Variants in SASH1 observed in about 807,000 individuals in gnomAD.
The protein encoded by SASH1 is SAM and SH3 domain containing 1.
In SASH1, 44 loss-of-function variants were observed where a neutral mutation model predicts 125.2. The ratio of observed to expected loss-of-function variants is 0.35; its 90% CI spans 0.28 to 0.45. The LOEUF (loss-of-function observed/expected upper bound fraction) is 0.45, where lower values mean the gene tolerates loss of function less well. SASH1 is among the 20% of genes least tolerant of loss of function. The pLI is 1.00. For missense variants in SASH1, 1,426 were observed against 1,614.5 expected (o/e 0.88, Z 2.00); for synonymous variants, 639 against 649.1 (o/e 0.98, Z 0.24).
At chr6:148,299,100 A>T (rs1409576338) in intron 1 of SASH1, among the ~76,000 whole-genome samples, 1 of 152,214 alleles carries the variant, frequency 6.6e-6, no homozygotes, top group East Asian at 1.9e-4. Context: ...GAGGGAATTC[A>T]TTCAACAAAT....
intron 16 of SASH1, among the ~76,000 whole-genome samples, chr6:148,535,561 G>GT (rs1229379936): frequency 6.6e-6 from 1 of 152,208 alleles, no homozygotes; most frequent in Non-Finnish European, 1.5e-5. Flanking sequence ...AGAGAATTCC[G>GT]TATCGATTGG....
At chr6:148,446,876 GATCCCAGTTAAGAACCCAT>G (rs1408340118) in intron 4 of SASH1, among the ~76,000 whole-genome samples, 6 of 152,198 alleles carry the variant, frequency 3.9e-5, no homozygotes, top group African/African-American at 1.4e-4. Flanking sequence ...ACACAGATTT[GATCCCAGTTAAGAACCCAT>G]AACCCTAACC....
chr6:148,472,647 G>A (rs79754117), intron 6 of SASH1, among the ~76,000 whole-genome samples: 4 of 152,180 alleles, frequency 2.6e-5, no homozygotes, highest in East Asian at 1.9e-4. Flanking sequence ...CCCAGCACAC[G>A]CTATTATTCT....
At chr6:148,270,967 C>A (rs1462293648), upstream of SASH1, among the ~76,000 whole-genome samples, 1 of 148,344 alleles carries the variant, frequency 6.7e-6, no homozygotes, top group East Asian at 2.0e-4. Context: ...TGGAGTGCAG[C>A]GGCACGATCT....
At chr6:148,473,826 C>T (rs1778221991) in intron 6 of SASH1, among the ~76,000 whole-genome samples, 1 of 152,164 alleles carries the variant, frequency 6.6e-6, no homozygotes, top group African/African-American at 2.4e-5. Flanking sequence ...TCCTCCAAAA[C>T]CCATCCACTG....
chr6:148,323,646 G>A (rs988287728), intron 1 of SASH1, among the ~76,000 whole-genome samples: 25 of 152,174 alleles, frequency 1.6e-4, no homozygotes, highest in Admixed American at 1.3e-3. Flanking sequence ...GATAACTGCT[G>A]TGATAGGAAA....
chr6:148,233,394 C>T, the SASH1 span, among the ~76,000 whole-genome samples: 2 of 152,002 alleles, frequency 1.3e-5, no homozygotes, highest in African/African-American at 2.4e-5. Flanking sequence ...AGAACCTTCA[C>T]CCACCCAGTG....
intron 1 of SASH1, among the ~76,000 whole-genome samples, chr6:148,380,910 A>G (rs1457152356): frequency 6.6e-6 from 1 of 152,236 alleles, no homozygotes; most frequent in Non-Finnish European, 1.5e-5. Flanking sequence ...GTAGAAATAA[A>G]CATTCATGTT....
At chr6:148,195,727 C>T in the SASH1 span, among the ~76,000 whole-genome samples, 7 of 152,188 alleles carry the variant, frequency 4.6e-5, no homozygotes, top group East Asian at 1.9e-4. Flanking sequence ...GCCTCTCTTA[C>T]GCGCCTTTTA....
intron 1 of SASH1, among the ~76,000 whole-genome samples, chr6:148,315,730 C>A (rs1780464738): frequency 6.6e-6 from 1 of 152,038 alleles, no homozygotes; most frequent in South Asian, 2.1e-4. Flanking sequence ...ATAGTGAGAC[C>A]CCATCTCTAC....
At chr6:148,455,068 A>T (rs530683589) in intron 4 of SASH1, among the ~76,000 whole-genome samples, 2 of 152,340 alleles carry the variant, frequency 1.3e-5, no homozygotes, top group Admixed American at 6.5e-5. Flanking sequence ...GGTGTTGGAT[A>T]CAAGGAGGGA....
chr6:148,503,813 A>C (rs1779659498), intron 8 of SASH1, among the ~76,000 whole-genome samples: 1 of 151,924 alleles, frequency 6.6e-6, no homozygotes. Context: ...TTGTGTGTGC[A>C]TGTGCATATG....
the SASH1 span, among the ~76,000 whole-genome samples, chr6:148,227,859 G>A: frequency 2.0e-5 from 3 of 152,130 alleles, no homozygotes; most frequent in South Asian, 4.1e-4. Context: ...AGGTGGTTCT[G>A]TGACATGGTG....
intron 1 of SASH1, among the ~76,000 whole-genome samples, chr6:148,348,806 T>G (rs1781601250): frequency 6.6e-6 from 1 of 152,214 alleles, no homozygotes; most frequent in African/African-American, 2.4e-5. Context: ...ATTGAGCTAT[T>G]AGCGATACTT....
chr6:148,264,129 G>T, the SASH1 span, among the ~76,000 whole-genome samples: 1 of 136,070 alleles, frequency 7.3e-6, no homozygotes, highest in Middle Eastern at 4.7e-3. Flanking sequence ...GAAGGTATGC[G>T]TTTCAATGAC....
chr6:148,273,622 A>T (rs1779115954), intron 1 of SASH1, among the ~76,000 whole-genome samples: 1 of 152,110 alleles, frequency 6.6e-6, no homozygotes, highest in Admixed American at 6.5e-5. Context: ...AAAAAAAAAA[A>T]TAGATTTGTT....
At chr6:148,422,210 A>G (rs1442403235) in intron 2 of SASH1, among the ~76,000 whole-genome samples, 1 of 152,214 alleles carries the variant, frequency 6.6e-6, no homozygotes, top group Non-Finnish European at 1.5e-5. Context: ...TTATAGTGCC[A>G]ATCTATGCTT....
At chr6:148,359,904 G>A (rs1260564878) in intron 1 of SASH1, among the ~76,000 whole-genome samples, 11 of 152,068 alleles carry the variant, frequency 7.2e-5, no homozygotes, top group Non-Finnish European at 1.5e-4. Flanking sequence ...GACTACAGGT[G>A]CCCGCCACCA....
Position 148,533,649 on chromosome 6 carries a change from G to A in SASH1, c.1735-122G>A. ...AGGTCACTCAGAGGGGTGACTTGTG[G>A]GACCCCGATTCTGGCCTTTGTGGCA... is the stretch of plus-strand genomic sequence containing the variant. On this transcript the variant is annotated intron_variant, in intron 14 of 19. Coordinates refer to ENST00000367467, the MANE Select transcript of SASH1 (RefSeq NM_015278.5). This position sits in a 1 kb window ranked among gnomAD's most constrained non-coding sequence, Gnocchi z 6.2. 2 of 899,484 alleles carry A rather than the reference G, an allele frequency of 2.2e-6. No individual in the cohort carries two copies. The highest frequency in any genetic ancestry group is 3.5e-6 in the Non-Finnish European group (2 of 574,864). The allele number at this position is 899,484 out of a possible 1,614,324, so 55.7% of individuals were successfully genotyped here. A position where few individuals can be genotyped will look rare whatever the true frequency, so the allele number is the denominator to read the frequency against.
Sources: allele counts gnomAD v4.1 joint callset (sites outside exome capture counted in the v4.1 genomes callset), GRCh38; gene constraint gnomAD v4.1.1; non-coding constraint Gnocchi (gnomAD v3.1); transcripts MANE v1.5; gene names NCBI Gene and HGNC (gene_info 2026-07-23, HGNC 2026-07-21).